Variants in DOCK5 observed in about 807,000 individuals in gnomAD.
DOCK5 encodes the protein dedicator of cytokinesis 5, also known as dedicator of cytokinesis protein 5.
In DOCK5, 142 loss-of-function variants were observed where a neutral mutation model predicts 251.8. The ratio of observed to expected loss-of-function variants is 0.56; its 90% CI spans 0.49 to 0.65. The LOEUF (loss-of-function observed/expected upper bound fraction) is 0.65. DOCK5 is among the 30% of genes least tolerant of loss of function. The pLI, the probability that DOCK5 is intolerant of heterozygous loss-of-function variation, is 0.00. For synonymous variants in DOCK5, 842 were observed against 835.5 expected (o/e 1.01, Z -0.13); for missense variants, 2,111 against 2,312.3 (o/e 0.91, Z 1.79).
intron 7 of DOCK5, among the ~76,000 whole-genome samples, chr8:25,296,962 A>T (rs537645305): frequency 2.4e-4 from 37 of 152,230 alleles, no homozygotes; most frequent in Non-Finnish European, 4.9e-4. Flanking sequence ...GAAATAATAG[A>T]CAAGAAATAA....
intron 16 of DOCK5, 83 bp downstream of exon 16, chr8:25,321,135 C>G: frequency 8.3e-7 from 1 of 1,205,168 alleles, no homozygotes. Flanking sequence ...AGCTGGAGAA[C>G]AAGATATTTG....
chr8:25,302,174 T>G, intron 9 of DOCK5, 151 bp from the exon 10 acceptor site: 4 of 1,166,350 alleles, frequency 3.4e-6, no homozygotes, highest in Non-Finnish European at 4.5e-6. Context: ...AGCTCTTGGA[T>G]GGAGATGGGG....
chr8:25,383,570 G>T (rs1013471951), intron 40 of DOCK5, among the ~76,000 whole-genome samples: 4 of 152,152 alleles, frequency 2.6e-5, no homozygotes, highest in African/African-American at 9.7e-5. Flanking sequence ...AATTTAATCT[G>T]CATGTCGGAC....
chr8:25,346,701 A>G lies in DOCK5; in HGVS notation c.2754+1090A>G, dbSNP rs907386634. 2.8e-5 allele frequency among the ~76,000 whole-genome samples: 4 copies of G among 145,270 alleles called. 1 individual carries two copies. Among genetic ancestry groups the G allele is most frequent in the Non-Finnish European group, 6.0e-5 (4 of 66,196 alleles). ...TAGCTGGGCGTGGTGGCACGCGCCT[A>G]TAGTCCCAGCTACTCGGGAGGCCGA... is the stretch of plus-strand genomic sequence containing the variant. On this transcript the variant is annotated intron_variant, in intron 26 of 51. Coordinates refer to ENST00000276440, the MANE Select transcript of DOCK5 (RefSeq NM_024940.8).
At chr8:25,405,734 G>A (rs1025596037) in intron 48 of DOCK5, among the ~76,000 whole-genome samples, 2 of 151,958 alleles carry the variant, frequency 1.3e-5, no homozygotes, top group African/African-American at 4.8e-5. Flanking sequence ...TGATGCTGAG[G>A]CTTCCTTGCC....
At chr8:25,228,626 A>G (rs1261526139) in intron 1 of DOCK5, among the ~76,000 whole-genome samples, 1 of 152,256 alleles carries the variant, frequency 6.6e-6, no homozygotes, top group Non-Finnish European at 1.5e-5. Flanking sequence ...TGCCATGGGA[A>G]GGGCAGTAAC....
chr8:25,311,034 A>G (rs1158802673), intron 13 of DOCK5, among the ~76,000 whole-genome samples: 1 of 152,116 alleles, frequency 6.6e-6, no homozygotes, highest in Non-Finnish European at 1.5e-5. Flanking sequence ...TGAAGCTCCA[A>G]AAGCGCTCTG....
In DOCK5 at chr8:25,212,447, G is replaced by A. The variant is rs1802132584; in HGVS notation, c.43+27496G>A. Among the ~76,000 whole-genome samples, 3 of 70,580 alleles carry A rather than the reference G, an allele frequency of 4.3e-5. 1 individual carries two copies. The Admixed American group carries it at 4.8e-4, about 11-fold the overall frequency. 46.3% of individuals were successfully genotyped at this position (70,580 alleles called of 152,430 possible). ...GGCCAACAGTGTGCTAAGGGCCACG[G>A]GCAAGTTTCATGTGGGGTCTTGAAA... is the stretch of plus-strand genomic sequence containing the variant. On this transcript the variant is annotated intron_variant, in intron 1 of 51. Coordinates refer to ENST00000276440, the MANE Select transcript of DOCK5 (RefSeq NM_024940.8).
intron 40 of DOCK5, 37 bp from the exon 41 acceptor site, chr8:25,389,054 C>T (rs1273422966): frequency 6.2e-7 from 1 of 1,605,828 alleles, no homozygotes; most frequent in African/African-American, 1.3e-5. Flanking sequence ...TCCACTCTTC[C>T]TATGTAATGA....
At chr8:25,263,275 C>G (rs1412336409) in intron 2 of DOCK5, among the ~76,000 whole-genome samples, 1 of 151,710 alleles carries the variant, frequency 6.6e-6, no homozygotes, top group Non-Finnish European at 1.5e-5. Flanking sequence ...TCTGAGGGCT[C>G]TCTTTATCAT....
intron 40 of DOCK5, among the ~76,000 whole-genome samples, chr8:25,387,588 C>CT (rs1307734276): frequency 6.6e-6 from 1 of 152,244 alleles, no homozygotes; most frequent in Non-Finnish European, 1.5e-5. Context: ...TACACTTCTT[C>CT]TTTCATCATG....
chr8:25,317,198 G>T (rs1466190860), intron 14 of DOCK5, 67 bp downstream of exon 14: 9 of 1,571,208 alleles, frequency 5.7e-6, no homozygotes, highest in Non-Finnish European at 7.8e-6. Flanking sequence ...TAGAATCTTG[G>T]CCGTATTTTA....
At chr8:25,223,795 A>T (rs1802451366) in intron 1 of DOCK5, among the ~76,000 whole-genome samples, 1 of 152,198 alleles carries the variant, frequency 6.6e-6, no homozygotes, top group South Asian at 2.1e-4. Flanking sequence ...ATTTTGTTTT[A>T]TTAAAATCTC....
intron 13 of DOCK5, among the ~76,000 whole-genome samples, chr8:25,314,003 G>C (rs1430053073): frequency 2.6e-5 from 4 of 151,724 alleles, no homozygotes; most frequent in Non-Finnish European, 5.9e-5. Flanking sequence ...CACTCACTTG[G>C]CTTTCATCTG....
intron 5 of DOCK5, among the ~76,000 whole-genome samples, chr8:25,281,691 T>C (rs2465000): frequency 0.99 from 150,624 of 151,830 alleles, 74,725 homozygotes; most frequent in Middle Eastern, 1. Context: ...CCAGCCTGGC[T>C]AATATGGTGA....
chr8:25,402,409 G>A (rs1387426978), intron 47 of DOCK5, among the ~76,000 whole-genome samples: 6 of 152,146 alleles, frequency 3.9e-5, no homozygotes, highest in Non-Finnish European at 8.8e-5. Context: ...CCATTCTCCT[G>A]CCTCAGCCTC....
At chr8:25,321,131 A>G in intron 16 of DOCK5, 79 bp downstream of exon 16, 1 of 1,216,898 alleles carries the variant, frequency 8.2e-7, no homozygotes, top group Non-Finnish European at 1.2e-6. Context: ...GTGAAGCTGG[A>G]GAACAAGATA....
intron 48 of DOCK5, among the ~76,000 whole-genome samples, chr8:25,406,497 T>G (rs1040857638): frequency 2.6e-5 from 4 of 152,256 alleles, no homozygotes; most frequent in Non-Finnish European, 5.9e-5. Context: ...GTAGTGTTTC[T>G]TAAATTATGC....
intron 2 of DOCK5, among the ~76,000 whole-genome samples, chr8:25,259,066 G>T (rs1471295178): frequency 6.6e-6 from 1 of 152,212 alleles, no homozygotes; most frequent in African/African-American, 2.4e-5. Context: ...GTTGCAGTGA[G>T]GTGAAATCAT....
Sources: allele counts gnomAD v4.1 joint callset (sites outside exome capture counted in the v4.1 genomes callset), GRCh38; gene constraint gnomAD v4.1.1; transcripts MANE v1.5; gene names NCBI Gene and HGNC (gene_info 2026-07-23, HGNC 2026-07-21).